Variants in SCAF8 observed in about 807,000 individuals in gnomAD.
SCAF8 encodes SR-related CTD associated factor 8.
SCAF8 carries 23 observed loss-of-function variants against 140.5 expected under a neutral mutation model. That is an observed-to-expected ratio of 0.16 (90% CI 0.12 to 0.23). SCAF8 has a LOEUF of 0.23. SCAF8 is among the 10% of genes least tolerant of loss of function. The probability of loss-of-function intolerance (pLI) is 1.00; values close to 1 mark genes in which losing one functional copy is unlikely to be tolerated. For synonymous variants in SCAF8, 575 were observed against 528.9 expected (o/e 1.09, Z -1.20); for missense variants, 1,397 against 1,555.7 (o/e 0.90, Z 1.72).
intron 14 of SCAF8, 150 bp from the exon 15 acceptor site, chr6:154,820,027 A>T: frequency 1.8e-6 from 1 of 542,480 alleles, no homozygotes; most frequent in Non-Finnish European, 3.1e-6. Flanking sequence ...TCTTTTGGCT[A>T]CTGTTAGTTT....
In SCAF8 at chr6:154,733,680, C is replaced by G; in HGVS notation, c.-221C>G. The G allele has an allele frequency of 7.7e-7, 1 of 1,306,818 alleles. No homozygotes were observed. Among genetic ancestry groups the G allele is most frequent in the East Asian group, 3.2e-5 (1 of 31,674 alleles). 81.0% of individuals were successfully genotyped at this position (1,306,818 alleles called of 1,614,324 possible). A position where few individuals can be genotyped will look rare whatever the true frequency, so the allele number is the denominator to read the frequency against. ...AGCGCCTCTGTTCCCTAGAACGGCG[C>G]TCCCCCCGCCCTAGCGGCCATGCCG... On this transcript the variant is annotated 5_prime_UTR_variant, in exon 1 of 20. Transcript: ENST00000367178.
In SCAF8 at chr6:154,832,369, A is replaced by C. The variant is rs374054799; in HGVS notation, c.2790A>C (p.Leu930=). The C allele has an allele frequency of 1.2e-6, 2 of 1,613,964 alleles. No individual in the cohort carries two copies. The highest frequency in any genetic ancestry group is 1.7e-6 in the Non-Finnish European group (2 of 1,180,012). ...CAATGTTAGACATTCGTCCGGGACT[A>C]ATACCACAGGCACCTGGGCCAAGAT... The part of the protein sequence containing the change: ...TMPMLDIRPG[L]IPQAPGPRFP... The change falls in exon 20 of 20, where the codon CTA becomes CTC. Residue 930 remains leucine, a synonymous_variant. Transcript: ENST00000367178.
At chr6:154,784,689 A>T (rs1777200382) in intron 3 of SCAF8, among the ~76,000 whole-genome samples, 1 of 152,218 alleles carries the variant, frequency 6.6e-6, no homozygotes. Context: ...AGATGGGATG[A>T]TGTCCGTAGG....
rs781388633 is a variant in SCAF8 at position 154,810,221 on chromosome 6, T to C, written c.1420+13T>C. The C allele has an allele frequency of 1.9e-6, 3 of 1,551,888 alleles. No individual in the cohort carries two copies. The highest frequency in any genetic ancestry group is 1.2e-5 in the South Asian group (1 of 85,348). ...AAAACACTAAGTGGTAAGTAACATA[T>C]ATCTGCAACGCTTTGGTTTCAATTA... On this transcript the variant is annotated intron_variant, in intron 12 of 19. Transcript: ENST00000367178.
Position 154,830,945 on chromosome 6 carries a change from A to G in SCAF8, c.2164A>G (p.Met722Val), listed in dbSNP as rs1410173861. 1 of 1,614,090 alleles carries G rather than the reference A, an allele frequency of 6.2e-7. No homozygotes were observed. The highest frequency in any genetic ancestry group is 8.5e-7 in the Non-Finnish European group (1 of 1,179,940). ...PTSLVQPSLSMTPETVKDVGF... is the reference protein window; with the variant it reads ...PTSLVQPSLSVTPETVKDVGF... ...AGCTTTAGTGCAGCCGTCATTATCC[A>G]TGACACCGGAAACTGTGAAAGATGT... Residue 722 changes from methionine to valine, a missense_variant, in exon 19 of 20, where the codon ATG (methionine) becomes GTG (valine). By Grantham distance (21) the Met-to-Val change is conservative. Coordinates refer to ENST00000367178, the MANE Select transcript of SCAF8 (RefSeq NM_014892.5).
At chr6:154,779,918 C>G (rs932301324) in intron 3 of SCAF8, among the ~76,000 whole-genome samples, 6 of 152,012 alleles carry the variant, frequency 3.9e-5, no homozygotes, top group Admixed American at 2.6e-4. Flanking sequence ...TGGTAACGTT[C>G]TGTAGAATTG....
chr6:154,766,754 C>T (rs1395037301), intron 1 of SCAF8, among the ~76,000 whole-genome samples: 3 of 139,434 alleles, frequency 2.2e-5, no homozygotes, highest in Non-Finnish European at 1.5e-5. Context: ...TGTGCAACAT[C>T]TGGACACAGT....
intron 6 of SCAF8, among the ~76,000 whole-genome samples, chr6:154,796,353 TTCTCTCTCTCTCTCTCTC>T (rs532893908): frequency 8.0e-5 from 6 of 75,252 alleles, no homozygotes; most frequent in East Asian, 1.1e-3. Flanking sequence ...TGCAATCCTG[TTCTCTCTCTCTCTCTCTC>T]TCTCTCTCTC....
chr6:154,741,516 C>T (rs946097003), intron 1 of SCAF8, among the ~76,000 whole-genome samples: 3 of 152,046 alleles, frequency 2.0e-5, no homozygotes, highest in South Asian at 4.1e-4. Context: ...AAGCAATTCT[C>T]CTGCCTCAGC....
At chr6:154,795,718 T>C (rs1261002501) in intron 6 of SCAF8, among the ~76,000 whole-genome samples, 1 of 152,170 alleles carries the variant, frequency 6.6e-6, no homozygotes, top group East Asian at 1.9e-4. Context: ...ATTGTAGGAA[T>C]AGAAGAAGGC....
At chr6:154,786,251 G>A (rs1562445351) in intron 3 of SCAF8, among the ~76,000 whole-genome samples, 1 of 152,212 alleles carries the variant, frequency 6.6e-6, no homozygotes, top group Non-Finnish European at 1.5e-5. Flanking sequence ...TCCAAGTGAG[G>A]TTTTCTTGCT....
intron 1 of SCAF8, among the ~76,000 whole-genome samples, chr6:154,769,581 C>T (rs1204392563): frequency 6.6e-6 from 1 of 152,190 alleles, no homozygotes; most frequent in Non-Finnish European, 1.5e-5. Context: ...TTGATAATAG[C>T]TAACCCTTAT....
intron 1 of SCAF8, among the ~76,000 whole-genome samples, chr6:154,769,425 A>G (rs758489991): frequency 1.2e-4 from 19 of 152,258 alleles, no homozygotes; most frequent in Non-Finnish European, 2.2e-4. Context: ...TGTCAAGCAC[A>G]GAGTGAGCTG....
chr6:154,830,988 T>G lies in SCAF8; in HGVS notation c.2207T>G (p.Val736Gly), dbSNP rs779851916. 4 of 1,614,034 alleles carry G rather than the reference T, an allele frequency of 2.5e-6. No individual in the cohort carries two copies. In the East Asian group the frequency reaches 8.9e-5, roughly 36 times the overall value. The change falls in exon 19 of 20, where the codon GTT becomes GGT. Residue 736 changes from valine (V) to glycine (G), a missense_variant. Transcript: ENST00000367178. ...AAAGATGTTGGATTTGGTAGCCTTG[T>G]TATACCAGGCGGTTCTGTTGCCAGC... ...TVKDVGFGSLVIPGGSVASNL... is the reference protein window; with the variant it reads ...TVKDVGFGSLGIPGGSVASNL...
In SCAF8 at chr6:154,790,489, A is replaced by ATTTTTTT. The variant is rs57095332; in HGVS notation, c.322-2301_322-2295dup. Among the ~76,000 whole-genome samples, 84 of 70,876 alleles carry ATTTTTTT rather than the reference A, an allele frequency of 1.2e-3. 10 individuals carry two copies. Among genetic ancestry groups the ATTTTTTT allele is most frequent in the Non-Finnish European group, 1.8e-3 (67 of 37,994 alleles). 46.5% of individuals were successfully genotyped at this position (70,876 alleles called of 152,430 possible). ...TTGTAAAACATATACATTTAACAGA[A>ATTTTTTT]TTTTTTTTTTTTTTTTTTTTTTTTT... On this transcript the variant is annotated intron_variant, in intron 4 of 19. Transcript: ENST00000367178.
chr6:154,808,520 A>G (rs1220964015), intron 10 of SCAF8, among the ~76,000 whole-genome samples, 166 bp from the exon 11 acceptor site: 1 of 152,106 alleles, frequency 6.6e-6, no homozygotes, highest in Non-Finnish European at 1.5e-5. Context: ...ACGTGTGGCC[A>G]AAGACATTAC....
chr6:154,763,455 T>A (rs1776463109), intron 1 of SCAF8, among the ~76,000 whole-genome samples: 1 of 152,188 alleles, frequency 6.6e-6, no homozygotes. Context: ...CCTTTGATCA[T>A]AGAACCAGCA....
At chr6:154,776,368 T>C (rs1776919009) in intron 2 of SCAF8, among the ~76,000 whole-genome samples, 1 of 152,098 alleles carries the variant, frequency 6.6e-6, no homozygotes, top group Non-Finnish European at 1.5e-5. Flanking sequence ...GTGTTTCATA[T>C]TGAGGTAAGT....
At chr6:154,793,834 A>AT in intron 5 of SCAF8, among the ~76,000 whole-genome samples, 1 of 151,796 alleles carries the variant, frequency 6.6e-6, no homozygotes, top group South Asian at 2.1e-4. Flanking sequence ...AAAAAAAAAA[A>AT]AAAAATTTTT....
Sources: gnomAD v4.1 joint callset for allele counts (sites outside exome capture counted in the v4.1 genomes callset) on GRCh38, gnomAD v4.1.1 for gene constraint, MANE v1.5 for transcripts, NCBI Gene and HGNC (gene_info 2026-07-23, HGNC 2026-07-21) for gene names.